C3orf52: variants seen among roughly 807,000 people sequenced by gnomAD.
The protein encoded by C3orf52 is chromosome 3 open reading frame 52.
In C3orf52, 22 loss-of-function variants were observed where a neutral mutation model predicts 24.8. The ratio of observed to expected loss-of-function variants is 0.89; its 90% CI spans 0.63 to 1.27. C3orf52 has a LOEUF of 1.27. Among genes scored for constraint, C3orf52 ranks in the 50% most tolerant of loss-of-function variants. The pLI, the probability that C3orf52 is intolerant of heterozygous loss-of-function variation, is 0.00. For missense variants in C3orf52, 265 were observed against 260.7 expected (o/e 1.02, Z -0.11); for synonymous variants, 93 against 100.2 (o/e 0.93, Z 0.43).
intron 4 of C3orf52, among the ~76,000 whole-genome samples, chr3:112,124,109 G>A (rs1309834824): frequency 2.0e-5 from 3 of 152,176 alleles, no homozygotes. Context: ...GAGGTGTTTT[G>A]GTTATGGGAG....
chr3:112,130,788 A>T, downstream of C3orf52: 1 of 463,640 alleles, frequency 2.2e-6, no homozygotes, highest in Non-Finnish European at 4.0e-6. Flanking sequence ...ATATCCAGGG[A>T]TCCTCGTCAT....
At chr3:112,130,653 T>C (rs2074431549), downstream of C3orf52, 4 of 736,664 alleles carry the variant, frequency 5.4e-6, no homozygotes, top group South Asian at 4.5e-5. Context: ...CACATGTTAA[T>C]ACTGTTTCCT....
At chr3:112,119,503 T>C (rs1240183875), downstream of C3orf52, 1 of 702,952 alleles carries the variant, frequency 1.4e-6, no homozygotes, top group African/African-American at 1.7e-5. Context: ...GAAGCACTGG[T>C]GGGATTTGAA....
In C3orf52 at chr3:112,093,508, G is replaced by C; in HGVS notation, c.268+19G>C. On this transcript the variant is annotated intron_variant, in intron 2 of 5. Coordinates refer to ENST00000264848, the MANE Select transcript of C3orf52 (RefSeq NM_024616.3). ...GCTGCAGGTAAGAGGATTTAGATGT[G>C]AATAAATAACACATTTTAAGAACTT... The C allele has an allele frequency of 4.4e-6, 7 of 1,603,040 alleles. No homozygotes were observed. Among genetic ancestry groups the C allele is most frequent in the Non-Finnish European group, 6.0e-6 (7 of 1,173,792 alleles).
Position 112,109,513 on chromosome 3 carries a change from G to T in C3orf52, c.397-30G>T, listed in dbSNP as rs746480575. 7.1e-6 allele frequency: 10 copies of T among 1,418,088 alleles called. No homozygotes were observed. The South Asian group carries it at 1.1e-4, about 15-fold the overall frequency. The allele number at this position is 1,418,088 out of a possible 1,614,324, so 87.8% of individuals were successfully genotyped here. A position where few individuals can be genotyped will look rare whatever the true frequency, so the allele number is the denominator to read the frequency against. ...GTGTAATATGATCTGTCGGTAATGT[G>T]TGTGGTTTAATTTGCTTCTGTTTGT... On this transcript the variant is annotated intron_variant, in intron 3 of 5. Coordinates refer to ENST00000264848, the MANE Select transcript of C3orf52 (RefSeq NM_024616.3).
downstream of C3orf52, chr3:112,130,404 T>C (rs1306578453): frequency 1.3e-6 from 2 of 1,550,258 alleles, no homozygotes; most frequent in Non-Finnish European, 1.8e-6. Flanking sequence ...TCGTTCTCCT[T>C]GGGCAAGGTC....
At chr3:112,130,742 T>C (rs2074433798), downstream of C3orf52, 1 of 553,220 alleles carries the variant, frequency 1.8e-6, no homozygotes. Flanking sequence ...TTCTCCAACC[T>C]CCATGAACAA....
chr3:112,119,311 G>C (rs375211659), downstream of C3orf52, among the ~76,000 whole-genome samples: 76 of 152,278 alleles, frequency 5.0e-4, no homozygotes, highest in African/African-American at 1.7e-3. Flanking sequence ...GGAGGCAGAG[G>C]TTGCAGTGAG....
At chr3:112,100,557 T>C (rs1235317855) in intron 2 of C3orf52, among the ~76,000 whole-genome samples, 1 of 152,232 alleles carries the variant, frequency 6.6e-6, no homozygotes, top group Non-Finnish European at 1.5e-5. Context: ...GGAGGCCTGT[T>C]TTCACACTTG....
downstream of C3orf52, chr3:112,132,746 G>T: frequency 1.3e-6 from 1 of 787,066 alleles, no homozygotes; most frequent in Non-Finnish European, 1.6e-6. Flanking sequence ...TGACCTCCTT[G>T]TGGAGCATGA....
downstream of C3orf52, chr3:112,119,537 A>T (rs188151051): frequency 7.3e-5 from 51 of 702,942 alleles, no homozygotes; most frequent in East Asian, 1.3e-3. Flanking sequence ...CTTCCTTTAC[A>T]CATGTTCGTG....
intron 4 of C3orf52, chr3:112,128,083 G>C (rs374446990): frequency 2.5e-6 from 4 of 1,609,530 alleles, no homozygotes; most frequent in East Asian, 2.2e-5. Flanking sequence ...AAGAGAGATG[G>C]CAAATCATAA....
At chr3:112,127,009 C>A (rs150928109) in intron 4 of C3orf52, 15 of 1,589,870 alleles carry the variant, frequency 9.4e-6, no homozygotes, top group Non-Finnish European at 1.2e-5. Context: ...AATCTTGCCT[C>A]TTTTCAAAAA....
At chr3:112,087,189 G>A (rs1055193716) in intron 1 of C3orf52, among the ~76,000 whole-genome samples, 1 of 152,094 alleles carries the variant, frequency 6.6e-6, no homozygotes, top group Non-Finnish European at 1.5e-5. Flanking sequence ...GTCGGCGCGG[G>A]GGAGGTGAAC....
intron 2 of C3orf52, among the ~76,000 whole-genome samples, chr3:112,097,043 T>C (rs1410517986): frequency 6.6e-6 from 1 of 152,212 alleles, no homozygotes; most frequent in Non-Finnish European, 1.5e-5. Context: ...GGAATTCTGT[T>C]ATTTGAGACT....
chr3:112,123,307 C>T, intron 4 of C3orf52: 6 of 1,418,592 alleles, frequency 4.2e-6, no homozygotes, highest in Non-Finnish European at 5.6e-6. Context: ...GCTAAGAGGG[C>T]TTGTGGTATA....
intron 5 of C3orf52, among the ~76,000 whole-genome samples, chr3:112,115,252 G>T (rs1319319624): frequency 6.6e-6 from 1 of 152,190 alleles, no homozygotes; most frequent in Admixed American, 6.5e-5. Context: ...GAAGCAGTTG[G>T]GAAGTGAGGA....
chr3:112,126,533 A>G (rs1255342950), intron 4 of C3orf52, among the ~76,000 whole-genome samples: 1 of 152,186 alleles, frequency 6.6e-6, no homozygotes, highest in Non-Finnish European at 1.5e-5. Flanking sequence ...TTTTCTGCAC[A>G]GGAACCTGGG....
At chr3:112,125,210 G>A in intron 4 of C3orf52, 1 of 1,526,404 alleles carries the variant, frequency 6.6e-7, no homozygotes, top group South Asian at 1.1e-5. Context: ...AAATAGCTTA[G>A]AGATGTTCTT....
Sources: allele counts gnomAD v4.1 joint callset (sites outside exome capture counted in the v4.1 genomes callset), GRCh38; gene constraint gnomAD v4.1.1; transcripts MANE v1.5; gene names NCBI Gene and HGNC (gene_info 2026-07-23, HGNC 2026-07-21).